Variants in RORA observed in about 807,000 individuals in gnomAD.
RORA encodes the protein RAR related orphan receptor A.
In RORA, 7 loss-of-function variants were observed where a neutral mutation model predicts 69.5. The ratio of observed to expected loss-of-function variants is 0.10; its 90% confidence interval spans 0.06 to 0.19. RORA has a LOEUF of 0.19. Ranked by LOEUF, RORA falls within the 10% of genes least tolerant of loss-of-function variation. The probability of loss-of-function intolerance (pLI) is 1.00; values close to 1 mark genes in which losing one functional copy is unlikely to be tolerated. For missense variants in RORA, 457 were observed against 663.0 expected (o/e 0.69, Z 3.41); for synonymous variants, 261 against 240.8 (o/e 1.08, Z -0.78).
intron 1 of RORA, among the ~76,000 whole-genome samples, chr15:61,132,251 T>C (rs916466993): frequency 2.6e-5 from 4 of 152,182 alleles, no homozygotes; most frequent in African/African-American, 4.8e-5. Flanking sequence ...AATGCTAGCA[T>C]ATATACATGT....
intron 4 of RORA, among the ~76,000 whole-genome samples, chr15:60,513,290 T>C (rs1198216983): frequency 1.3e-5 from 2 of 152,348 alleles, no homozygotes; most frequent in East Asian, 1.9e-4. Flanking sequence ...ATTCTTTCTA[T>C]GCCTACAACA....
chr15:61,071,615 A>G (rs1426956085), intron 1 of RORA, among the ~76,000 whole-genome samples: 6 of 14,458 alleles, frequency 4.1e-4, no homozygotes, highest in East Asian at 3.5e-3. Context: ...AGGGGTGGGG[A>G]GGGGAGAGGA....
chr15:60,840,907 C>A (rs1262063671), intron 1 of RORA, among the ~76,000 whole-genome samples: 1 of 152,104 alleles, frequency 6.6e-6, no homozygotes, highest in African/African-American at 2.4e-5. Flanking sequence ...AAGCTGTTAC[C>A]CAAAAAAAGC....
chr15:61,049,135 TCTC>T (rs761424471), intron 1 of RORA, among the ~76,000 whole-genome samples: 16 of 152,146 alleles, frequency 1.1e-4, no homozygotes, highest in Non-Finnish European at 2.1e-4. Flanking sequence ...TGCGGAGAGT[TCTC>T]CTGCCACAAT....
intron 1 of RORA, among the ~76,000 whole-genome samples, chr15:60,783,462 A>G (rs1337869380): frequency 6.6e-6 from 1 of 152,236 alleles, no homozygotes; most frequent in Non-Finnish European, 1.5e-5. Flanking sequence ...GCTAATTCAC[A>G]TATGCATTAC....
intron 1 of RORA, among the ~76,000 whole-genome samples, chr15:60,755,290 C>T (rs2071783066): frequency 1.3e-5 from 2 of 151,898 alleles, no homozygotes; most frequent in Admixed American, 1.3e-4. Context: ...CAGCTTCATC[C>T]ATGTCCCTAC....
chr15:61,115,564 A>C (rs577552157), intron 1 of RORA, among the ~76,000 whole-genome samples: 1 of 152,296 alleles, frequency 6.6e-6, no homozygotes, highest in South Asian at 2.1e-4. Context: ...ATGGCATTGG[A>C]AATAGGCTCA....
At chr15:61,163,656 T>C (rs552331599) in intron 1 of RORA, among the ~76,000 whole-genome samples, 74 of 152,170 alleles carry the variant, frequency 4.9e-4, no homozygotes, top group Admixed American at 3.9e-4. Flanking sequence ...CAGTGGTAGC[T>C]GGTCAGAGAG....
chr15:60,945,921 C>G (rs967757941), intron 1 of RORA, among the ~76,000 whole-genome samples: 1 of 152,194 alleles, frequency 6.6e-6, no homozygotes, highest in Non-Finnish European at 1.5e-5. Context: ...GGTGATGATG[C>G]TCATAAGTTC....
intron 1 of RORA, among the ~76,000 whole-genome samples, chr15:60,798,217 AACAGACACACACAC>A: frequency 1.1e-5 from 1 of 92,530 alleles, no homozygotes; most frequent in East Asian, 3.2e-4. Context: ...TCATTTCCCC[AACAGACACACACAC>A]ACACACACAC....
chr15:60,974,226 T>C (rs1367782546), intron 1 of RORA, among the ~76,000 whole-genome samples: 1 of 152,084 alleles, frequency 6.6e-6, no homozygotes, highest in Non-Finnish European at 1.5e-5. Flanking sequence ...CATCCCTGAG[T>C]CCTCTAATGA....
chr15:60,874,756 C>T (rs1252036972), intron 1 of RORA, among the ~76,000 whole-genome samples: 1 of 152,088 alleles, frequency 6.6e-6, no homozygotes, highest in Non-Finnish European at 1.5e-5. Flanking sequence ...CCTTATTTTG[C>T]CCTGAGGAAG....
chr15:60,846,826 T>C (rs1201439028), intron 1 of RORA, among the ~76,000 whole-genome samples: 2 of 152,266 alleles, frequency 1.3e-5, no homozygotes, highest in African/African-American at 4.8e-5. Context: ...TTTATTGTCT[T>C]GTGCAGTATC....
intron 1 of RORA, among the ~76,000 whole-genome samples, chr15:60,815,683 G>A (rs1426992643): frequency 2.4e-5 from 3 of 124,910 alleles, no homozygotes; most frequent in Admixed American, 8.4e-5. Context: ...TACTTCCACC[G>A]GCTCCCCTTG....
chr15:60,780,396 C>T (rs2072236251), intron 1 of RORA, among the ~76,000 whole-genome samples: 1 of 152,136 alleles, frequency 6.6e-6, no homozygotes, highest in African/African-American at 2.4e-5. Context: ...AGACAGTGAA[C>T]ATCCGCATGT....
intron 1 of RORA, among the ~76,000 whole-genome samples, chr15:60,973,098 G>A (rs1893769173): frequency 6.6e-6 from 1 of 152,136 alleles, no homozygotes; most frequent in South Asian, 2.1e-4. Context: ...TTGGTCAGCA[G>A]GGCATGGGGA....
At position 61,128,570 on chromosome 15, in the gene RORA, ATC is replaced by A. The variant is rs986703097; in HGVS notation, c.166+100481_166+100482del. Among the ~76,000 whole-genome samples the A allele has an allele frequency of 7.2e-5, 11 of 152,164 alleles. No homozygotes were observed. The highest frequency in any genetic ancestry group is 2.7e-4 in the African/African-American group (11 of 41,438). On this transcript the variant is annotated intron_variant, in intron 1 of 10. Coordinates refer to ENST00000335670, the MANE Select transcript of RORA (RefSeq NM_134261.3). This position sits in a 1 kb window ranked among gnomAD's most constrained non-coding sequence, Gnocchi z 4.5. ...AACTCAGGGATACGGGGAGAGAGAA[ATC>A]CTGGGGTGTGCAATCGATGTTGTCA...
At chr15:60,866,451 G>A (rs1300225257) in intron 1 of RORA, among the ~76,000 whole-genome samples, 1 of 152,192 alleles carries the variant, frequency 6.6e-6, no homozygotes, top group Non-Finnish European at 1.5e-5. Context: ...AGAGAATGAA[G>A]GCAAAATCAT....
At chr15:60,928,655 T>C (rs1031802532) in intron 1 of RORA, among the ~76,000 whole-genome samples, 2 of 152,190 alleles carry the variant, frequency 1.3e-5, no homozygotes, top group Non-Finnish European at 2.9e-5. Context: ...GACTCCCTCA[T>C]TTCACAAGGA....
Sources: gnomAD v4.1 joint callset for allele counts (sites outside exome capture counted in the v4.1 genomes callset) on GRCh38, gnomAD v4.1.1 for gene constraint, Gnocchi (gnomAD v3.1) non-coding constraint, MANE v1.5 for transcripts, NCBI Gene and HGNC (gene_info 2026-07-23, HGNC 2026-07-21) for gene names.